SEPTIN9: variants seen among roughly 807,000 people sequenced by gnomAD.
SEPTIN9 encodes septin 9.
A neutral mutation model predicts 56.6 loss-of-function variants in SEPTIN9; 13 were observed. That is an observed-to-expected ratio of 0.23 (90% CI 0.15 to 0.37). The LOEUF is 0.37. Ranked by LOEUF, SEPTIN9 falls within the 10% of genes least tolerant of loss-of-function variation. The pLI is 1.00. For synonymous variants in SEPTIN9, 332 were observed against 334.1 expected, an observed-to-expected ratio of 0.99 and a Z score of 0.07; for missense variants, 650 against 823.1, an observed-to-expected ratio of 0.79 and a Z score of 2.57.
rs1157972579 is a variant in SEPTIN9, at chr17:77,435,575, A to C, written c.721+32872A>C. Among the ~76,000 whole-genome samples, 1 of 152,192 alleles carries C rather than the reference A, an allele frequency of 6.6e-6. No individual in the cohort carries two copies. Among genetic ancestry groups the C allele is most frequent in the African/African-American group, 2.4e-5 (1 of 41,444 alleles). ...CTCCTTGGTGTGGTCTGGAGGTGCC[A>C]GTGGTCACTCATCAGCACAGCCCAG... On this transcript the variant is annotated intron_variant, in intron 3 of 11. Transcript: ENST00000427177. The surrounding 1 kb of genome is among the most constrained non-coding windows in gnomAD (Gnocchi z 4.5).
At chr17:77,289,627 C>T (rs1054562907) in intron 1 of SEPTIN9, among the ~76,000 whole-genome samples, 19 of 152,122 alleles carry the variant, frequency 1.2e-4, no homozygotes, top group Non-Finnish European at 2.6e-4. Flanking sequence ...AGGCTGGTCT[C>T]GAACTCCCGA....
Position 77,437,193 on chromosome 17 carries a change from G to A in SEPTIN9, c.721+34490G>A, listed in dbSNP as rs141153831. Among the ~76,000 whole-genome samples the A allele has an allele frequency of 7.6e-4, 116 of 152,324 alleles. 1 individual carries two copies. The East Asian group carries it at 0.019, about 25-fold the overall frequency. On this transcript the variant is annotated intron_variant, in intron 3 of 11. Transcript: ENST00000427177. The surrounding 1 kb of genome is among the most constrained non-coding windows in gnomAD (Gnocchi z 5.3). ...TGACTCCTCCTCACCCCACCCCAGT[G>A]GGGCCCTGCGAGGGAAAGAAGAATG...
At chr17:77,454,422 C>A in intron 3 of SEPTIN9, 1 of 972,684 alleles carries the variant, frequency 1.0e-6, no homozygotes, top group Non-Finnish European at 1.2e-6. Flanking sequence ...GGAGGGCTCC[C>A]GAGGGTGGCG....
Position 77,323,421 on chromosome 17 carries a change from C to A in SEPTIN9, c.76+16224C>A, listed in dbSNP as rs760582795. Among the ~76,000 whole-genome samples the A allele has an allele frequency of 6.6e-6, 1 of 152,176 alleles. No individual in the cohort carries two copies. The highest frequency in any genetic ancestry group is 1.5e-5 in the Non-Finnish European group (1 of 68,024). On this transcript the variant is annotated intron_variant, in intron 2 of 11. Transcript: ENST00000427177. This position sits in a 1 kb window ranked among gnomAD's most constrained non-coding sequence, Gnocchi z 6.8. The stretch of plus-strand genomic sequence containing the variant: ...GAGTCTCCAAGAAGGGAACTTTCCA[C>A]TGGGGAGCTCTGTTGGGCTGGGAGG...
At chr17:77,350,233 C>T (rs1294135976) in intron 2 of SEPTIN9, among the ~76,000 whole-genome samples, 4 of 151,746 alleles carry the variant, frequency 2.6e-5, no homozygotes, top group Non-Finnish European at 5.9e-5. Flanking sequence ...ACTAGAGGGG[C>T]AGGGTTGGGC....
chr17:77,393,945 C>T (rs1426819908), intron 2 of SEPTIN9, among the ~76,000 whole-genome samples: 2 of 152,162 alleles, frequency 1.3e-5, no homozygotes, highest in Non-Finnish European at 2.9e-5. Flanking sequence ...GACACTGAGG[C>T]TCAGAGTAGA....
intron 3 of SEPTIN9, among the ~76,000 whole-genome samples, chr17:77,424,193 G>A (rs941643619): frequency 3.2e-5 from 3 of 93,402 alleles, no homozygotes; most frequent in African/African-American, 9.0e-5. Context: ...CGTAGAAAAC[G>A]GTTCCTGTTA....
chr17:77,379,111 TG>T (rs1370558416), intron 2 of SEPTIN9, among the ~76,000 whole-genome samples: 3 of 152,120 alleles, frequency 2.0e-5, no homozygotes, highest in Admixed American at 1.3e-4. Context: ...AGAGCTGGGC[TG>T]GCAGCTGGAA....
chr17:77,402,418 GC>G lies in SEPTIN9; in HGVS notation c.440del (p.Pro147LeufsTer147). ...GTTGGGCCACAAGACGCCAGAACCG[GC>G]CCCTCGGAGGACGGAGATCACCATC... ...EVLGHKTPEP[A>X]PRRTEITIVK... is the part of the protein sequence containing the mutation. On this transcript the variant is annotated frameshift_variant, in exon 3 of 12. Coordinates refer to ENST00000427177, the MANE Select transcript of SEPTIN9 (RefSeq NM_001113491.2). LOFTEE classifies it high-confidence loss of function. The surrounding 1 kb of genome is among the most constrained non-coding windows in gnomAD (Gnocchi z 6.6). 6.2e-7 allele frequency: 1 copy of G among 1,610,820 alleles called. No homozygotes were observed. The highest frequency in any genetic ancestry group is 8.5e-7 in the Non-Finnish European group (1 of 1,179,020).
At chr17:77,472,352 A>T (rs924650462) in intron 3 of SEPTIN9, 7 of 152,148 alleles carry the variant, frequency 4.6e-5, no homozygotes, top group Non-Finnish European at 8.8e-5. Context: ...TGGCGAGGGA[A>T]AAGCTGGAGG....
At chr17:77,354,571 C>T (rs1346117939) in intron 2 of SEPTIN9, among the ~76,000 whole-genome samples, 1 of 152,038 alleles carries the variant, frequency 6.6e-6, no homozygotes, top group Non-Finnish European at 1.5e-5. Flanking sequence ...GCTGCCGGAG[C>T]CCCTCCTGCC....
At chr17:77,299,428 C>A (rs1378464481) in intron 1 of SEPTIN9, among the ~76,000 whole-genome samples, 1 of 152,152 alleles carries the variant, frequency 6.6e-6, no homozygotes, top group Non-Finnish European at 1.5e-5. Flanking sequence ...TGTTTGCTGG[C>A]CTTAGTAGCT....
At chr17:77,407,986 A>AC (rs943746676) in intron 3 of SEPTIN9, among the ~76,000 whole-genome samples, 9 of 139,420 alleles carry the variant, frequency 6.5e-5, no homozygotes, top group African/African-American at 2.1e-4. Context: ...CACCAGAGTT[A>AC]CCCCCCTCCG....
At chr17:77,413,507 A>G (rs948799029) in intron 3 of SEPTIN9, among the ~76,000 whole-genome samples, 1 of 152,232 alleles carries the variant, frequency 6.6e-6, no homozygotes, top group African/African-American at 2.4e-5. Context: ...GCAGAGCACG[A>G]TCGATCAGTC....
At chr17:77,411,104 G>A (rs1456427881) in intron 3 of SEPTIN9, among the ~76,000 whole-genome samples, 2 of 150,416 alleles carry the variant, frequency 1.3e-5, no homozygotes, top group Non-Finnish European at 2.9e-5. Context: ...AAAAAAAAGC[G>A]ATGCCCAGTC....
rs866219242 is a variant in SEPTIN9, at chr17:77,367,421, G to A, written c.77-34638G>A. On this transcript the variant is annotated intron_variant, in intron 2 of 11. Transcript: ENST00000427177. The surrounding 1 kb of genome is among the most constrained non-coding windows in gnomAD (Gnocchi z 4.5). ...TCTGCCATTCTGCAAAGGAAACTGC[G>A]CTTTGTCATTGCACAGGATCGAACA... 5.3e-5 allele frequency among the ~76,000 whole-genome samples: 8 copies of A among 152,294 alleles called. No individual in the cohort carries two copies. Among genetic ancestry groups the A allele is most frequent in the South Asian group, 2.1e-4 (1 of 4,828 alleles).
At chr17:77,291,373 C>T (rs980274714) in intron 1 of SEPTIN9, among the ~76,000 whole-genome samples, 12 of 149,984 alleles carry the variant, frequency 8.0e-5, no homozygotes, top group Non-Finnish European at 1.3e-4. Flanking sequence ...AGCAGCCGGG[C>T]GCGGTGGCTC....
At chr17:77,379,862 C>T (rs903288707) in intron 2 of SEPTIN9, among the ~76,000 whole-genome samples, 2 of 152,112 alleles carry the variant, frequency 1.3e-5, no homozygotes, top group Non-Finnish European at 2.9e-5. Flanking sequence ...CCTGTGCTCT[C>T]CCTTGACAAA....
intron 3 of SEPTIN9, among the ~76,000 whole-genome samples, chr17:77,411,740 T>C (rs189255079): frequency 6.6e-6 from 1 of 152,276 alleles, no homozygotes; most frequent in East Asian, 1.9e-4. Flanking sequence ...CCACTGTGAT[T>C]GAGAGGCTGC....
Sources: allele counts gnomAD v4.1 joint callset (sites outside exome capture counted in the v4.1 genomes callset), GRCh38; gene constraint gnomAD v4.1.1; non-coding constraint Gnocchi (gnomAD v3.1); transcripts MANE v1.5; gene names NCBI Gene and HGNC (gene_info 2026-07-23, HGNC 2026-07-21).